Variants in KCNMA1 observed in about 807,000 individuals in gnomAD.
KCNMA1 encodes the protein potassium calcium-activated channel subfamily M alpha 1.
In KCNMA1, 29 loss-of-function variants were observed where a neutral mutation model predicts 140.0. That is an observed-to-expected ratio of 0.21 (90% CI 0.15 to 0.28). The LOEUF is 0.28. Ranked by LOEUF, KCNMA1 falls within the 10% of genes least tolerant of loss-of-function variation. The probability of loss-of-function intolerance (pLI) is 1.00; values close to 1 mark genes in which losing one functional copy is unlikely to be tolerated. For missense variants in KCNMA1, 880 were observed against 1,602.2 expected (o/e 0.55, Z 7.70); for synonymous variants, 612 against 611.9 (o/e 1.00, Z 0.00).
At chr10:77,174,832 A>T (rs1262527140) in intron 5 of KCNMA1, among the ~76,000 whole-genome samples, 1 of 152,190 alleles carries the variant, frequency 6.6e-6, no homozygotes, top group Non-Finnish European at 1.5e-5. Flanking sequence ...AAGTTAGGAG[A>T]TGCATACAAG....
chr10:77,353,587 A>C (rs1447421364), intron 2 of KCNMA1, among the ~76,000 whole-genome samples: 1 of 152,012 alleles, frequency 6.6e-6, no homozygotes, highest in Non-Finnish European at 1.5e-5. Flanking sequence ...ATATATATGA[A>C]GGTATATATA....
chr10:77,534,530 A>G (rs2058421599), intron 1 of KCNMA1, among the ~76,000 whole-genome samples: 2 of 152,238 alleles, frequency 1.3e-5, no homozygotes, highest in South Asian at 4.1e-4. Flanking sequence ...CGAAGCATAA[A>G]CATTACCACT....
intron 5 of KCNMA1, among the ~76,000 whole-genome samples, chr10:77,134,584 A>T (rs1323998248): frequency 6.6e-6 from 1 of 152,160 alleles, no homozygotes; most frequent in Non-Finnish European, 1.5e-5. Flanking sequence ...GAGCCCCATG[A>T]CAACGGTCAG....
In KCNMA1 at chr10:76,945,486, G is replaced by A. The variant is rs1038849415; in HGVS notation, c.2710-521C>T. 6.6e-5 allele frequency among the ~76,000 whole-genome samples: 10 copies of A among 152,100 alleles called. No individual in the cohort carries two copies. In the South Asian group the frequency reaches 8.3e-4, roughly 13 times the overall value. On this transcript the variant is annotated intron_variant, in intron 22 of 27. Coordinates refer to ENST00000286628, the MANE Select transcript of KCNMA1 (RefSeq NM_001161352.2). ...AGTGATGAGGTGGGCCTGGATGTGC[G>A]GCTCAATTTGGAGGCTATGGATGGA...
chr10:77,194,705 A>G (rs2039853116), intron 3 of KCNMA1, among the ~76,000 whole-genome samples: 1 of 151,930 alleles, frequency 6.6e-6, no homozygotes, highest in Admixed American at 6.6e-5. Context: ...CAACTCTTGT[A>G]CCTCTTGGCA....
chr10:77,242,131 G>A (rs924079612), intron 3 of KCNMA1, among the ~76,000 whole-genome samples: 6 of 152,144 alleles, frequency 3.9e-5, no homozygotes, highest in African/African-American at 1.2e-4. Context: ...AAAGCACGTC[G>A]CACACTGACC....
chr10:76,976,113 A>T (rs2077430498), intron 19 of KCNMA1, among the ~76,000 whole-genome samples: 1 of 152,222 alleles, frequency 6.6e-6, no homozygotes, highest in Admixed American at 6.5e-5. Context: ...ATCAGTTTTT[A>T]AAAAATCTAT....
At chr10:77,542,809 C>CA (rs1181035813) in intron 1 of KCNMA1, among the ~76,000 whole-genome samples, 1 of 152,162 alleles carries the variant, frequency 6.6e-6, no homozygotes, top group African/African-American at 2.4e-5. Context: ...TTCCTAACCC[C>CA]ACCCCATGCT....
intron 3 of KCNMA1, among the ~76,000 whole-genome samples, chr10:77,228,712 A>G (rs1173212726): frequency 6.6e-6 from 1 of 152,204 alleles, no homozygotes; most frequent in Admixed American, 6.5e-5. Flanking sequence ...TAACTGGGGC[A>G]CTGAGTGTAA....
At chr10:77,260,833 C>G (rs10824508) in intron 2 of KCNMA1, among the ~76,000 whole-genome samples, 8,747 of 152,190 alleles carry the variant, frequency 0.057, 571 homozygotes, top group East Asian at 0.37. Flanking sequence ...ATATAGGGAG[C>G]ATTACGTGAA....
chr10:77,173,013 C>A (rs2098722146), intron 5 of KCNMA1, among the ~76,000 whole-genome samples: 1 of 152,120 alleles, frequency 6.6e-6, no homozygotes, highest in African/African-American at 2.4e-5. Flanking sequence ...TCCCAGAGGC[C>A]CCATCTCCAA....
At chr10:77,091,705 G>T (rs1366760684) in intron 9 of KCNMA1, 1 of 152,174 alleles carries the variant, frequency 6.6e-6, no homozygotes, top group Non-Finnish European at 1.5e-5. Context: ...ATTTAGAATG[G>T]CCATGTCCCT....
intron 23 of KCNMA1, among the ~76,000 whole-genome samples, chr10:76,915,572 T>A (rs544455919): frequency 2.0e-5 from 3 of 152,180 alleles, no homozygotes; most frequent in African/African-American, 7.2e-5. Context: ...ACTGAGTGAG[T>A]CAAGAATAAA....
At chr10:77,501,562 C>T (rs891355513) in intron 1 of KCNMA1, among the ~76,000 whole-genome samples, 1 of 152,206 alleles carries the variant, frequency 6.6e-6, no homozygotes, top group African/African-American at 2.4e-5. Flanking sequence ...CATCTCAGGG[C>T]CTCCTTCCCT....
rs201618490 is a variant in KCNMA1, at chr10:77,637,241, G to A, written c.378+24C>T. 19 of 1,580,870 alleles carry A rather than the reference G, an allele frequency of 1.2e-5. No homozygotes were observed. The Middle Eastern group carries it at 5.1e-4, about 43-fold the overall frequency. On this transcript the variant is annotated intron_variant, in intron 1 of 27. Transcript: ENST00000286628. ...AGAAGCGGTGGGGCTGGCGCAGAGG[G>A]CGGGCGCCCGGGGCGCGCGTTACCT...
In KCNMA1 at chr10:77,079,570, T is replaced by C. The variant is rs1369021941; in HGVS notation, c.1524-20A>G. 14 of 1,535,640 alleles carry C rather than the reference T, an allele frequency of 9.1e-6. No homozygotes were observed. The highest frequency in any genetic ancestry group is 1.7e-5 in the Admixed American group (1 of 59,920). ...ATTACTCTGAAAAAGAAAGAACCAA[T>C]GCTGAGACAGGTCTGCCTTATGCAT... On this transcript the variant is annotated intron_variant, in intron 12 of 27. Transcript: ENST00000286628.
At chr10:76,987,367 C>T (rs759246159) in intron 19 of KCNMA1, among the ~76,000 whole-genome samples, 1 of 152,182 alleles carries the variant, frequency 6.6e-6, no homozygotes, top group Non-Finnish European at 1.5e-5. Context: ...GTTAAGAAGG[C>T]TTCACAGAGA....
At chr10:77,561,046 T>C (rs1227645630) in intron 1 of KCNMA1, among the ~76,000 whole-genome samples, 3 of 110,316 alleles carry the variant, frequency 2.7e-5, no homozygotes, top group Non-Finnish European at 5.7e-5. Context: ...CTCCTGACAA[T>C]GTATGGAAAC....
chr10:77,327,253 T>C (rs2084545526), intron 2 of KCNMA1, among the ~76,000 whole-genome samples: 1 of 151,646 alleles, frequency 6.6e-6, no homozygotes, highest in Non-Finnish European at 1.5e-5. Flanking sequence ...CCGCCATCCC[T>C]GTCATCAAGA....
Sources: gnomAD v4.1 joint callset for allele counts (sites outside exome capture counted in the v4.1 genomes callset) on GRCh38, gnomAD v4.1.1 for gene constraint, MANE v1.5 for transcripts, NCBI Gene and HGNC (gene_info 2026-07-23, HGNC 2026-07-21) for gene names.